Variants in OTOF observed in about 807,000 individuals in gnomAD.
OTOF encodes the protein fer-1-like family member 2.
Under a neutral mutation model 236.8 loss-of-function variants are expected in OTOF, and 218 were observed. The observed-to-expected ratio is 0.92, with a 90% CI of 0.82 to 1.03. The LOEUF (loss-of-function observed/expected upper bound fraction) is 1.03, where lower values mean the gene tolerates loss of function less well. OTOF is among the 50% of genes least tolerant of loss of function. The probability of loss-of-function intolerance (pLI) is 0.00; values close to 1 mark genes in which losing one functional copy is unlikely to be tolerated. For missense variants in OTOF, 2,590 were observed against 2,694.4 expected (o/e 0.96, Z 0.86); for synonymous variants, 1,041 against 1,072.5 (o/e 0.97, Z 0.57).
chr2:26,473,487 T>C lies in OTOF; in HGVS notation c.3489A>G (p.Ala1163=). The C allele has an allele frequency of 6.2e-7, 1 of 1,613,172 alleles. No individual in the cohort carries two copies. The change falls in exon 28 of 47, where the codon GCA becomes GCG. Residue 1163 remains alanine (A), a synonymous_variant. Transcript: ENST00000272371. The surrounding 1 kb of genome is among the most constrained non-coding windows in gnomAD (Gnocchi z 7.2). ...VDRPRVDIEC[A]GKGVQSSLIH... Reference sequence around the variant, plus strand: ...TCAGGGACGACTGCACCCCCTTCCCTGCACACTCGATGTCCACCCGTGGCC... The same window carrying C: ...TCAGGGACGACTGCACCCCCTTCCCCGCACACTCGATGTCCACCCGTGGCC...
At chr2:26,501,954 T>C in intron 7 of OTOF, 146 bp from the exon 8 acceptor site, 1 of 709,264 alleles carries the variant, frequency 1.4e-6, no homozygotes, top group African/African-American at 1.7e-5. Context: ...ATAGTGAGGA[T>C]TAGTTGTCTT....
At chr2:26,533,523 T>TAC (rs1394608784) in intron 2 of OTOF, among the ~76,000 whole-genome samples, 1 of 152,118 alleles carries the variant, frequency 6.6e-6, no homozygotes, top group Non-Finnish European at 1.5e-5. Context: ...TCTCAGCTGG[T>TAC]CTTCTTGGGC....
chr2:26,503,821 G>A lies in OTOF; in HGVS notation c.534C>T (p.Ala178=). 6.2e-7 allele frequency: 1 copy of A among 1,614,144 alleles called. No individual in the cohort carries two copies. The highest frequency in any genetic ancestry group is 8.5e-7 in the Non-Finnish European group (1 of 1,179,978). Residue 178 remains alanine (A), a synonymous_variant, in exon 6 of 47, where the codon GCC becomes GCT. Coordinates refer to ENST00000272371, the MANE Select transcript of OTOF (RefSeq NM_194248.3). Reference sequence around the variant, plus strand: ...GAGACCGGTTTTTGCCGAGCTTCATGGCGGAGAACACGCTCCTCCCGGCTC... The same window carrying A: ...GAGACCGGTTTTTGCCGAGCTTCATAGCGGAGAACACGCTCCTCCCGGCTC... ...FRRAGRSVFS[A]MKLGKNRSHK...
intron 6 of OTOF, among the ~76,000 whole-genome samples, chr2:26,503,281 G>A (rs944539588): frequency 2.0e-5 from 3 of 152,170 alleles, no homozygotes; most frequent in Non-Finnish European, 4.4e-5. Flanking sequence ...TCGCTCCTCC[G>A]GGAGGGCCCA....
intron 14 of OTOF, 32 bp from the exon 15 acceptor site, chr2:26,481,041 G>T (rs1665528581): frequency 6.5e-7 from 1 of 1,531,258 alleles, no homozygotes; most frequent in Non-Finnish European, 9.0e-7. Flanking sequence ...TGAGGGGGCA[G>T]CGTCACATCC....
In OTOF at chr2:26,527,920, T is replaced by A; in HGVS notation, c.139A>T (p.Thr47Ser). 6.2e-7 allele frequency: 1 copy of A among 1,613,492 alleles called. No homozygotes were observed. The highest frequency in any genetic ancestry group is 1.7e-5 in the Admixed American group (1 of 60,024). Reference protein sequence around the residue: ...NCEDVADFDETFRWPVASSID... With the variant: ...NCEDVADFDESFRWPVASSID... ...CTGCTGGCCACCGGCCACCGAAATG[T>A]CTGGGGAGAGAGGGACAACTGCGGC... Residue 47 changes from threonine (T) to serine (S), a missense_variant and splice_region_variant, in exon 3 of 47, where the codon ACA becomes TCA. Physicochemically the swap from Thr to Ser is moderately conservative, Grantham distance 58. This residue lies in a region of OTOF where 1,379 missense variants were observed against 1,341.6 expected (regional missense o/e 1.03). Coordinates refer to ENST00000272371, the MANE Select transcript of OTOF (RefSeq NM_194248.3).
chr2:26,551,822 G>A (rs551552341), intron 1 of OTOF, among the ~76,000 whole-genome samples: 1 of 152,288 alleles, frequency 6.6e-6, no homozygotes, highest in South Asian at 2.1e-4. Flanking sequence ...CTAAGGAATT[G>A]TTATTAATTT....
chr2:26,472,241 C>A, intron 30 of OTOF: 3 of 489,814 alleles, frequency 6.1e-6, no homozygotes, highest in South Asian at 4.0e-5. Flanking sequence ...CGCACAAATG[C>A]ACATACATCA....
chr2:26,474,264 GC>G (rs1427177818), intron 26 of OTOF, among the ~76,000 whole-genome samples, 154 bp from the exon 27 acceptor site: 1 of 151,412 alleles, frequency 6.6e-6, no homozygotes, highest in Admixed American at 6.6e-5. Context: ...AGGCCCCTAG[GC>G]CCCAGCCCCC....
At chr2:26,540,931 C>A (rs763135180) in intron 1 of OTOF, among the ~76,000 whole-genome samples, 21 of 152,214 alleles carry the variant, frequency 1.4e-4, no homozygotes, top group Non-Finnish European at 2.9e-4. Flanking sequence ...CCCGGGCAAT[C>A]AAGGGAGGAG....
intron 41 of OTOF, 34 bp downstream of exon 41, chr2:26,463,449 G>A (rs200390557): frequency 1.1e-4 from 171 of 1,524,474 alleles, no homozygotes; most frequent in African/African-American, 1.6e-4. Context: ...GGGGTGGGCC[G>A]GAAGGGAGTA....
chr2:26,481,495 C>G (rs991655897), intron 14 of OTOF, among the ~76,000 whole-genome samples: 4 of 152,202 alleles, frequency 2.6e-5, no homozygotes, highest in Admixed American at 2.6e-4. Context: ...TCTCTTATGG[C>G]TAAGATTTGT....
rs780494367 is a variant in OTOF at position 26,493,366 on chromosome 2, C to T, written c.897+1576G>A. Among the ~76,000 whole-genome samples, 117 of 152,300 alleles carry T rather than the reference C, an allele frequency of 7.7e-4. 1 individual carries two copies. Among genetic ancestry groups the T allele is most frequent in the Non-Finnish European group, 1.6e-3 (108 of 68,028 alleles). ...GCTACAGGGGGCACCTCAGCCCTCACCCACCTCAGGGTACGGGACTCAGCT... is the reference window on the plus strand; with the variant it reads ...GCTACAGGGGGCACCTCAGCCCTCATCCACCTCAGGGTACGGGACTCAGCT... On this transcript the variant is annotated intron_variant, in intron 9 of 46. Transcript: ENST00000272371.
At position 26,480,911 on chromosome 2, in the gene OTOF, C is replaced by G; in HGVS notation, c.1678G>C (p.Gly560Arg). Residue 560 changes from glycine to arginine, a missense_variant, in exon 15 of 47, where the codon GGG (glycine) becomes CGG (arginine). Gly to Arg is a moderately radical substitution (Grantham distance 125, BLOSUM62 -2). Coordinates refer to ENST00000272371, the MANE Select transcript of OTOF (RefSeq NM_194248.3). Reference protein sequence around the residue: ...DEHQDLNEGLGEGVSFRARLL... With the variant: ...DEHQDLNEGLREGVSFRARLL... ...CGGGCCCGGAAGGACACACCCTCCC[C>G]CAGGCCCTCGTTCAGGTCCTGATGC... 1.2e-6 allele frequency: 2 copies of G among 1,613,020 alleles called. No individual in the cohort carries two copies. Among genetic ancestry groups the G allele is most frequent in the South Asian group, 1.1e-5 (1 of 91,078 alleles).
At chr2:26,526,152 G>A (rs1666798053) in intron 3 of OTOF, among the ~76,000 whole-genome samples, 3 of 151,744 alleles carry the variant, frequency 2.0e-5, no homozygotes, top group Admixed American at 2.0e-4. Flanking sequence ...TGGATGAGTG[G>A]ATGGAAGGAT....
At chr2:26,475,815 C>G in intron 24 of OTOF, 99 bp downstream of exon 24, 6 of 1,458,116 alleles carry the variant, frequency 4.1e-6, no homozygotes, top group Non-Finnish European at 5.6e-6. Context: ...TGGCTCCAGG[C>G]CCCACAGGCT....
intron 1 of OTOF, among the ~76,000 whole-genome samples, chr2:26,556,103 C>T (rs1193129064): frequency 6.6e-6 from 1 of 152,206 alleles, no homozygotes; most frequent in Non-Finnish European, 1.5e-5. Flanking sequence ...TCTGGCCTAC[C>T]TAGGGCCACT....
chr2:26,467,247 G>C lies in OTOF; in HGVS notation c.4228-14C>G. 1 of 1,614,090 alleles carries C rather than the reference G, an allele frequency of 6.2e-7. No homozygotes were observed. Among genetic ancestry groups the C allele is most frequent in the Non-Finnish European group, 8.5e-7 (1 of 1,180,032 alleles). On this transcript the variant is annotated splice_polypyrimidine_tract_variant and intron_variant, in intron 34 of 46. Transcript: ENST00000272371. ...TTTGGGGTATACCTGAGACAGACCA[G>C]GCTGTTAGGGGGCGGCTGCCTGGTC...
rs748951588 is a variant in OTOF at position 26,465,737 on chromosome 2, G to A, written c.4734C>T (p.Ile1578=). ...TGCTGTAGAAGCGGTTCTCCAGGTC[G>A]ATCTTGGTTTCCCCAATGAGGTCAT... The part of the protein sequence containing the change: ...GTDDLIGETK[I]DLENRFYSKH... The change falls in exon 38 of 47, where the codon ATC becomes ATT. Residue 1578 remains isoleucine (I), a synonymous_variant. Coordinates refer to ENST00000272371, the MANE Select transcript of OTOF (RefSeq NM_194248.3). 14 of 1,614,138 alleles carry A rather than the reference G, an allele frequency of 8.7e-6. No homozygotes were observed. Among genetic ancestry groups the A allele is most frequent in the Admixed American group, 5.0e-5 (3 of 60,016 alleles).
Sources: gnomAD v4.1 joint callset for allele counts (sites outside exome capture counted in the v4.1 genomes callset) on GRCh38, gnomAD v4.1.1 for gene constraint, gnomAD v4.1.1 regional missense constraint, Gnocchi (gnomAD v3.1) non-coding constraint, MANE v1.5 for transcripts, NCBI Gene and HGNC (gene_info 2026-07-23, HGNC 2026-07-21) for gene names.